The following HIVEP3 variants were observed in gnomAD, a reference collection of about 807,000 sequenced individuals.
HIVEP3 encodes transcription factor HIVEP3.
HIVEP3 carries 49 observed loss-of-function variants against 152.8 expected under a neutral mutation model. The observed-to-expected ratio is 0.32, with a 90% CI of 0.26 to 0.41. The LOEUF (loss-of-function observed/expected upper bound fraction) is 0.41. Ranked by LOEUF, HIVEP3 falls within the 10% of genes least tolerant of loss-of-function variation. The pLI is 1.00. For missense variants in HIVEP3, 2,790 were observed against 3,103.3 expected (o/e 0.90, Z 2.40); for synonymous variants, 1,269 against 1,289.0 (o/e 0.98, Z 0.33).
intron 2 of HIVEP3, among the ~76,000 whole-genome samples, chr1:41,700,561 G>T (rs2124127326): frequency 6.6e-6 from 1 of 152,256 alleles, no homozygotes; most frequent in Middle Eastern, 3.4e-3. Flanking sequence ...GCCCTGCTGG[G>T]TTCACCGAGT....
At chr1:41,704,043 AC>A (rs1646400036) in intron 1 of HIVEP3, among the ~76,000 whole-genome samples, 1 of 152,174 alleles carries the variant, frequency 6.6e-6, no homozygotes, top group Admixed American at 6.5e-5. Context: ...TTGCCTCAGT[AC>A]CCTCATCTGT....
At chr1:41,904,357 T>A (rs1644676388) in intron 1 of HIVEP3, among the ~76,000 whole-genome samples, 1 of 152,204 alleles carries the variant, frequency 6.6e-6, no homozygotes. Context: ...AAAGAGGTCC[T>A]GACCTTGGCT....
chr1:41,532,029 A>G lies in HIVEP3; in HGVS notation c.5208-7119T>C, dbSNP rs368823358. On this transcript the variant is annotated intron_variant, in intron 5 of 8. Coordinates refer to ENST00000372583, the MANE Select transcript of HIVEP3 (RefSeq NM_024503.5). Reference sequence around the variant, plus strand: ...ATGGAGGACAGGAGAGATGGAAGACAGGGGAGATAGAGGACAGGAGAGATG... The same window carrying G: ...ATGGAGGACAGGAGAGATGGAAGACGGGGGAGATAGAGGACAGGAGAGATG... Among the ~76,000 whole-genome samples, 840 of 127,648 alleles carry G rather than the reference A, an allele frequency of 6.6e-3. 8 individuals are homozygous for G. Among genetic ancestry groups the G allele is most frequent in the Non-Finnish European group, 0.012 (694 of 59,560 alleles). The allele number at this position is 127,648 out of a possible 152,430, so 83.7% of individuals were successfully genotyped here.
chr1:41,905,639 A>G (rs1644697660), intron 1 of HIVEP3, among the ~76,000 whole-genome samples: 1 of 152,198 alleles, frequency 6.6e-6, no homozygotes, highest in South Asian at 2.1e-4. Flanking sequence ...TCACACAGTT[A>G]GTATATGACA....
At chr1:41,793,233 A>G (rs1297114540) in intron 1 of HIVEP3, among the ~76,000 whole-genome samples, 1 of 152,198 alleles carries the variant, frequency 6.6e-6, no homozygotes, top group Admixed American at 6.5e-5. Context: ...AAGAATGCCA[A>G]TTGCTCCTGA....
intron 1 of HIVEP3, among the ~76,000 whole-genome samples, chr1:41,904,576 A>G (rs978041727): frequency 6.6e-6 from 1 of 152,158 alleles, no homozygotes; most frequent in Non-Finnish European, 1.5e-5. Context: ...AGGCCGTGAT[A>G]TGGTACCATT....
chr1:41,723,825 A>G (rs1036029268), intron 1 of HIVEP3, among the ~76,000 whole-genome samples: 3 of 152,212 alleles, frequency 2.0e-5, no homozygotes, highest in African/African-American at 7.2e-5. Flanking sequence ...GGTCAGGGTT[A>G]GGATTAGGGT....
chr1:42,021,733 G>C (rs529063576), intron 1 of HIVEP3, among the ~76,000 whole-genome samples: 5 of 152,304 alleles, frequency 3.3e-5, no homozygotes, highest in African/African-American at 1.2e-4. Context: ...AAGAGATTCA[G>C]AGCAAAGACT....
At chr1:42,029,248 C>T (rs1315701609) in intron 1 of HIVEP3, among the ~76,000 whole-genome samples, 1 of 152,176 alleles carries the variant, frequency 6.6e-6, no homozygotes, top group Non-Finnish European at 1.5e-5. Flanking sequence ...TTTCACAGCA[C>T]CTGCCCCCAT....
intron 1 of HIVEP3, among the ~76,000 whole-genome samples, chr1:41,938,484 G>A (rs1645030415): frequency 6.6e-6 from 1 of 152,134 alleles, no homozygotes; most frequent in Admixed American, 6.5e-5. Context: ...ATGGGGGAAG[G>A]GAACTAAGAT....
At chr1:41,837,898 T>G (rs761042462) in intron 1 of HIVEP3, among the ~76,000 whole-genome samples, 11 of 152,148 alleles carry the variant, frequency 7.2e-5, no homozygotes, top group Non-Finnish European at 1.3e-4. Flanking sequence ...GCCTTCTATC[T>G]TAGCAACAAT....
intron 1 of HIVEP3, among the ~76,000 whole-genome samples, chr1:41,857,574 G>T (rs1643802833): frequency 1.3e-5 from 2 of 152,074 alleles, no homozygotes; most frequent in African/African-American, 4.8e-5. Context: ...AATAACATGG[G>T]GTTTTCTCCT....
At chr1:42,016,505 C>T (rs1312668348) in intron 1 of HIVEP3, among the ~76,000 whole-genome samples, 2 of 152,052 alleles carry the variant, frequency 1.3e-5, no homozygotes, top group South Asian at 2.1e-4. Flanking sequence ...AGTAATCCCC[C>T]GAGAGAGCCA....
chr1:41,884,265 G>C (rs1233506228), intron 1 of HIVEP3, among the ~76,000 whole-genome samples: 1 of 152,110 alleles, frequency 6.6e-6, no homozygotes, highest in Non-Finnish European at 1.5e-5. Context: ...CACGTCATGA[G>C]CCCCCTCCAG....
At chr1:41,902,120 C>A (rs1034075074) in intron 1 of HIVEP3, among the ~76,000 whole-genome samples, 2 of 152,128 alleles carry the variant, frequency 1.3e-5, no homozygotes, top group African/African-American at 4.8e-5. Context: ...GTTACTGTCC[C>A]TGGGAAGTGG....
chr1:41,685,318 G>A (rs1362368747), intron 2 of HIVEP3, among the ~76,000 whole-genome samples: 2 of 152,230 alleles, frequency 1.3e-5, no homozygotes, highest in Non-Finnish European at 2.9e-5. Context: ...GCCACCACAG[G>A]AATTGCTGCA....
At chr1:41,988,570 G>A (rs1489159050) in intron 1 of HIVEP3, among the ~76,000 whole-genome samples, 2 of 152,168 alleles carry the variant, frequency 1.3e-5, no homozygotes, top group East Asian at 3.8e-4. Context: ...AATAACAAGT[G>A]TTAGTGAGGA....
At chr1:41,573,836 T>C (rs78705598) in intron 5 of HIVEP3, among the ~76,000 whole-genome samples, 5,368 of 152,228 alleles carry the variant, frequency 0.035, 147 homozygotes, top group Non-Finnish European at 0.056. Flanking sequence ...GAGAGGATTC[T>C]GAAGCAGAGC....
intron 1 of HIVEP3, among the ~76,000 whole-genome samples, chr1:41,725,764 A>G (rs1463532462): frequency 7.2e-5 from 11 of 152,168 alleles, no homozygotes; most frequent in African/African-American, 2.7e-4. Flanking sequence ...TATTGTCCCC[A>G]TTTTGCAGAT....
Sources: gnomAD v4.1 joint callset for allele counts (sites outside exome capture counted in the v4.1 genomes callset) on GRCh38, gnomAD v4.1.1 for gene constraint, MANE v1.5 for transcripts, NCBI Gene and HGNC (gene_info 2026-07-23, HGNC 2026-07-21) for gene names.